SCAPER: variants seen among roughly 807,000 people sequenced by gnomAD.
SCAPER encodes the protein S-phase cyclin A associated protein in the ER.
Under a neutral mutation model 182.2 loss-of-function variants are expected in SCAPER, and 98 were observed. The ratio of observed to expected loss-of-function variants is 0.54; its 90% CI spans 0.46 to 0.64. The LOEUF (loss-of-function observed/expected upper bound fraction) is 0.64, where lower values mean the gene tolerates loss of function less well. Ranked by LOEUF, SCAPER falls within the 30% of genes least tolerant of loss-of-function variation. The probability of loss-of-function intolerance (pLI) is 0.00; values close to 1 mark genes in which losing one functional copy is unlikely to be tolerated. For synonymous variants in SCAPER, 605 were observed against 564.6 expected (o/e 1.07, Z -1.01); for missense variants, 1,432 against 1,690.0 (o/e 0.85, Z 2.68).
chr15:76,420,413 C>T (rs768977826), intron 26 of SCAPER, among the ~76,000 whole-genome samples: 4 of 151,516 alleles, frequency 2.6e-5, no homozygotes, highest in Non-Finnish European at 4.4e-5. Context: ...AAAGACTCCA[C>T]CAAATAATTC....
intron 23 of SCAPER, among the ~76,000 whole-genome samples, chr15:76,544,698 G>C (rs1027890557): frequency 7.2e-5 from 11 of 152,162 alleles, no homozygotes; most frequent in Non-Finnish European, 5.9e-5. Context: ...AATGGGTACA[G>C]GGTTTCTTTC....
At chr15:76,768,562 G>A (rs2063247258) in intron 10 of SCAPER, among the ~76,000 whole-genome samples, 1 of 152,100 alleles carries the variant, frequency 6.6e-6, no homozygotes, top group Non-Finnish European at 1.5e-5. Flanking sequence ...AATGGGCACT[G>A]GGTTTTCTTT....
chr15:76,562,933 G>A (rs1369856686), intron 23 of SCAPER, among the ~76,000 whole-genome samples: 2 of 151,996 alleles, frequency 1.3e-5, no homozygotes, highest in African/African-American at 2.4e-5. Context: ...ATAAATTCTC[G>A]AAAACATAAT....
intron 29 of SCAPER, among the ~76,000 whole-genome samples, chr15:76,364,554 C>A (rs1323612623): frequency 1.3e-5 from 2 of 152,222 alleles, no homozygotes; most frequent in Non-Finnish European, 2.9e-5. Context: ...GTGAGATGGC[C>A]CCTGACCAGC....
chr15:76,843,352 A>G (rs182172126), intron 4 of SCAPER, among the ~76,000 whole-genome samples: 70 of 152,302 alleles, frequency 4.6e-4, no homozygotes, highest in Admixed American at 1.2e-3. Flanking sequence ...TTTAATCATC[A>G]CAACAAGCTG....
intron 4 of SCAPER, among the ~76,000 whole-genome samples, chr15:76,856,108 A>G (rs528107607): frequency 1.8e-4 from 28 of 152,330 alleles, no homozygotes; most frequent in African/African-American, 6.7e-4. Flanking sequence ...GAACAAGATC[A>G]TGTATTTTGC....
intron 4 of SCAPER, 129 bp from the exon 5 acceptor site, chr15:76,842,060 G>T: frequency 1.3e-6 from 1 of 743,268 alleles, no homozygotes; most frequent in Non-Finnish European, 2.1e-6. Flanking sequence ...TACTGAACAT[G>T]TATGGACTTT....
At chr15:76,718,457 A>C (rs1329935906) in intron 17 of SCAPER, among the ~76,000 whole-genome samples, 1 of 151,974 alleles carries the variant, frequency 6.6e-6, no homozygotes, top group Admixed American at 6.6e-5. Flanking sequence ...GGGAGGCAAA[A>C]GCGGGCGGAT....
At chr15:76,685,286 T>C (rs1427347830) in intron 20 of SCAPER, among the ~76,000 whole-genome samples, 1 of 151,982 alleles carries the variant, frequency 6.6e-6, no homozygotes, top group Admixed American at 6.6e-5. Flanking sequence ...GCTACATGTG[T>C]TCACCATTGT....
At chr15:76,553,217 C>G (rs1327515804) in intron 23 of SCAPER, among the ~76,000 whole-genome samples, 2 of 152,230 alleles carry the variant, frequency 1.3e-5, no homozygotes, top group Non-Finnish European at 2.9e-5. Context: ...CAGTCCACCA[C>G]GTAGAGCATG....
chr15:76,663,307 AC>A (rs2056336321), intron 21 of SCAPER, among the ~76,000 whole-genome samples: 1 of 152,166 alleles, frequency 6.6e-6, no homozygotes, highest in Non-Finnish European at 1.5e-5. Context: ...AATGTGAAGG[AC>A]CTGGAATTCT....
intron 2 of SCAPER, among the ~76,000 whole-genome samples, chr15:76,879,469 G>A (rs34655974): frequency 0.013 from 2,032 of 152,198 alleles, 28 homozygotes; most frequent in Middle Eastern, 0.024. Context: ...TCTTTTACTG[G>A]AATGTTAGAG....
At chr15:76,666,874 TA>T (rs2056611225) in intron 20 of SCAPER, among the ~76,000 whole-genome samples, 1 of 152,188 alleles carries the variant, frequency 6.6e-6, no homozygotes, top group Non-Finnish European at 1.5e-5. Context: ...CCTGTTATAA[TA>T]TATGAACACC....
chr15:76,873,462 C>T (rs1292396807), intron 2 of SCAPER, among the ~76,000 whole-genome samples: 1 of 151,632 alleles, frequency 6.6e-6, no homozygotes, highest in East Asian at 1.9e-4. Context: ...AGATATACTG[C>T]TAGAGTATAT....
At chr15:76,547,391 A>G (rs1041937638) in intron 23 of SCAPER, among the ~76,000 whole-genome samples, 6 of 152,106 alleles carry the variant, frequency 3.9e-5, no homozygotes, top group Admixed American at 6.6e-5. Flanking sequence ...ACTTTTTAAT[A>G]TATTTGTACT....
intron 23 of SCAPER, among the ~76,000 whole-genome samples, chr15:76,556,467 T>C (rs908306703): frequency 6.6e-6 from 1 of 152,160 alleles, no homozygotes; most frequent in Non-Finnish European, 1.5e-5. Flanking sequence ...AAAAATACAA[T>C]TGCTAGATCA....
chr15:76,712,714 T>C (rs1439948641), intron 17 of SCAPER, among the ~76,000 whole-genome samples: 4 of 152,052 alleles, frequency 2.6e-5, no homozygotes, highest in African/African-American at 9.7e-5. Context: ...TGAATGGGAG[T>C]TCACTCATGA....
chr15:76,525,393 A>T (rs1211239216), intron 23 of SCAPER, among the ~76,000 whole-genome samples: 1 of 152,058 alleles, frequency 6.6e-6, no homozygotes, highest in Non-Finnish European at 1.5e-5. Flanking sequence ...TAAAAATTTC[A>T]ACTTTTATTT....
chr15:76,364,783 G>A (rs75253262), intron 29 of SCAPER, among the ~76,000 whole-genome samples: 18,208 of 151,762 alleles, frequency 0.12, 1,502 homozygotes, highest in African/African-American at 0.24. Flanking sequence ...TAGTCTGAGC[G>A]TGTCATTCTC....
Sources: gnomAD v4.1 joint callset for allele counts (sites outside exome capture counted in the v4.1 genomes callset) on GRCh38, gnomAD v4.1.1 for gene constraint, MANE v1.5 for transcripts, NCBI Gene and HGNC (gene_info 2026-07-23, HGNC 2026-07-21) for gene names.